NLGN2: variants seen among roughly 807,000 people sequenced by gnomAD.
NLGN2 encodes neuroligin-2.
A neutral mutation model predicts 48.6 loss-of-function variants in NLGN2; 11 were observed. That is an observed-to-expected ratio of 0.23 (90% CI 0.14 to 0.37). The LOEUF is 0.37. NLGN2 is among the 10% of genes least tolerant of loss of function. The pLI, the probability that NLGN2 is intolerant of heterozygous loss-of-function variation, is 1.00. For missense variants in NLGN2, 801 were observed against 1,225.2 expected (o/e 0.65, Z 5.17); for synonymous variants, 548 against 550.0 (o/e 1.00, Z 0.05).
chr17:7,412,582 T>C (rs1049491004), intron 2 of NLGN2, among the ~76,000 whole-genome samples: 4 of 152,120 alleles, frequency 2.6e-5, no homozygotes, highest in Non-Finnish European at 5.9e-5. Context: ...AAAAACCAAT[T>C]TGAAATTGGA....
In NLGN2 at chr17:7,408,750, AC is replaced by A. The variant is rs1346865372; in HGVS notation, c.457+39del. The A allele has an allele frequency of 6.2e-7, 1 of 1,611,288 alleles. No individual in the cohort carries two copies. Among genetic ancestry groups the A allele is most frequent in the African/African-American group, 1.3e-5 (1 of 74,812 alleles). ...GCACAAAGCCGGGCACCCCGTGGAC[AC>A]AGCCCACAAACGCACATGCAGACCC... On this transcript the variant is annotated intron_variant, in intron 1 of 6. Transcript: ENST00000302926. The surrounding 1 kb of genome is among the most constrained non-coding windows in gnomAD (Gnocchi z 7.5).
rs1907313098 is a variant in NLGN2, at chr17:7,419,775, C to G, written c.*1976C>G. The G allele has an allele frequency of 2.0e-5, 3 of 152,316 alleles. No individual in the cohort carries two copies. The highest frequency in any genetic ancestry group is 7.2e-5 in the African/African-American group (3 of 41,452). The allele number at this position is 152,316 out of a possible 1,614,324, so 9.4% of individuals were successfully genotyped here. ...AAACAATCCCGACAATCCCTTATCC[C>G]TACCCCAACCCTTTGCGGCTCTGTA... On this transcript the variant is annotated 3_prime_UTR_variant, in exon 7 of 7. Coordinates refer to ENST00000302926, the MANE Select transcript of NLGN2 (RefSeq NM_020795.4).
chr17:7,415,470 G>T (rs1222774604), intron 5 of NLGN2, 41 bp from the exon 6 acceptor site: 2 of 1,567,084 alleles, frequency 1.3e-6, no homozygotes, highest in Admixed American at 3.3e-5. Flanking sequence ...CCAAGAGGAG[G>T]CCAGTGAGCA....
chr17:7,414,190 G>C (rs1409110649), intron 2 of NLGN2, among the ~76,000 whole-genome samples, 154 bp from the exon 3 acceptor site: 1 of 152,056 alleles, frequency 6.6e-6, no homozygotes, highest in African/African-American at 2.4e-5. Context: ...GGGAGGAGGG[G>C]AATCCGGTCT....
chr17:7,408,484 C>T lies in NLGN2; in HGVS notation c.229C>T (p.Pro77Ser). The T allele has an allele frequency of 6.6e-7, 1 of 1,512,916 alleles. No individual in the cohort carries two copies. Among genetic ancestry groups the T allele is most frequent in the Non-Finnish European group, 8.8e-7 (1 of 1,135,732 alleles). The allele number at this position is 1,512,916 out of a possible 1,614,324, so 93.7% of individuals were successfully genotyped here. A position where few individuals can be genotyped will look rare whatever the true frequency, so the allele number is the denominator to read the frequency against. ...GTTCTTGGGCGTGCCCTACGCCACGCCGCCCCTGGGCGCCCGCCGCTTCCA... is the reference window on the plus strand; with the variant it reads ...GTTCTTGGGCGTGCCCTACGCCACGTCGCCCCTGGGCGCCCGCCGCTTCCA... Reference protein sequence around the residue: ...VQFLGVPYATPPLGARRFQPP... With the variant: ...VQFLGVPYATSPLGARRFQPP... Residue 77 changes from proline to serine, a missense_variant, in exon 1 of 7, where the codon CCG becomes TCG. Physicochemically the swap from Pro to Ser is moderately conservative, Grantham distance 74 (BLOSUM62 -1). This residue lies in a region of NLGN2 where 164 missense variants were observed against 186.2 expected (regional missense o/e 0.88). Coordinates refer to ENST00000302926, the MANE Select transcript of NLGN2 (RefSeq NM_020795.4). The surrounding 1 kb of genome is among the most constrained non-coding windows in gnomAD (Gnocchi z 7.5).
rs1906964835 is a variant in NLGN2 at position 7,413,097 on chromosome 17, G to A, written c.508+890G>A. ...AAGGAGATTCCGGCCTGAAAGTGCT[G>A]GGAGGTCACTTGAGGTTCAGGAGCA... On this transcript the variant is annotated intron_variant, in intron 2 of 6. Coordinates refer to ENST00000302926, the MANE Select transcript of NLGN2 (RefSeq NM_020795.4). The surrounding 1 kb of genome is among the most constrained non-coding windows in gnomAD (Gnocchi z 4.9). Among the ~76,000 whole-genome samples, 1 of 152,188 alleles carries A rather than the reference G, an allele frequency of 6.6e-6. No individual in the cohort carries two copies.
rs1394670302 is a variant in NLGN2 at position 7,414,501 on chromosome 17, T to C, written c.658+8T>C. The C allele has an allele frequency of 1.2e-6, 2 of 1,611,718 alleles. No homozygotes were observed. The highest frequency in any genetic ancestry group is 1.7e-6 in the Non-Finnish European group (2 of 1,178,220). On this transcript the variant is annotated splice_region_variant and intron_variant, in intron 3 of 6. Transcript: ENST00000302926. ...ACCGTCTTGGGGTGCTCGGTGAGGG[T>C]GGGCAGCCAACTCTGGGGCTCGGGG...
chr17:7,417,122 C>G lies in NLGN2; in HGVS notation c.1831C>G (p.Leu611Val). The G allele has an allele frequency of 6.2e-7, 1 of 1,612,002 alleles. No homozygotes were observed. The part of the protein sequence containing the change: ...WLELVPHLHN[L>V]HTELFTTTTR... ...GGAGCTCGTGCCCCACCTGCACAAC[C>G]TGCACACGGAGCTCTTCACCACCAC... Residue 611 changes from leucine (L) to valine (V), a missense_variant, in exon 7 of 7, where the codon CTG (leucine) becomes GTG (valine). Physicochemically the swap from Leu to Val is conservative, Grantham distance 32. Transcript: ENST00000302926.
rs776276408 is a variant in NLGN2, at chr17:7,417,402, G to A, written c.2111G>A (p.Arg704Gln). 8.7e-6 allele frequency: 14 copies of A among 1,609,584 alleles called. No homozygotes were observed. The highest frequency in any genetic ancestry group is 4.5e-5 in the East Asian group (2 of 44,712). ...FAALYYKRDR[R>Q]QELRCRRLSP... is the part of the protein sequence containing the mutation. The stretch of plus-strand genomic sequence containing the variant: ...GCCCTCTACTACAAGCGGGACCGGC[G>A]GCAGGAGCTGCGGTGCAGGCGGCTT... The change falls in exon 7 of 7, where the codon CGG becomes CAG. Residue 704 changes from arginine (R) to glutamine (Q), a missense_variant. This residue lies in a region of NLGN2 where 276 missense variants were observed against 313.9 expected (regional missense o/e 0.88). Transcript: ENST00000302926.
In NLGN2 at chr17:7,417,767, C is replaced by A; in HGVS notation, c.2476C>A (p.Leu826Ile). 1 of 1,364,326 alleles carries A rather than the reference C, an allele frequency of 7.3e-7. No homozygotes were observed. 84.5% of individuals were successfully genotyped at this position (1,364,326 alleles called of 1,614,324 possible). Residue 826 changes from leucine (L) to isoleucine (I), a missense_variant, in exon 7 of 7, where the codon CTA (leucine) becomes ATA (isoleucine). Transcript: ENST00000302926. ...PPTATSHNNTLPHPHSTTRV is the reference protein window; with the variant it reads ...PPTATSHNNTIPHPHSTTRV ...CACCGCCACCAGCCACAACAACACG[C>A]TACCCCACCCCCACTCCACCACTCG... is the stretch of plus-strand genomic sequence containing the variant.
In NLGN2 at chr17:7,408,419, G is replaced by T. The variant is rs377690737; in HGVS notation, c.164G>T (p.Arg55Leu). The change falls in exon 1 of 7, where the codon CGG becomes CTG. Residue 55 changes from arginine (R) to leucine (L), a missense_variant. This residue lies in a region of NLGN2 where 164 missense variants were observed against 186.2 expected (regional missense o/e 0.88). Transcript: ENST00000302926. The surrounding 1 kb of genome is among the most constrained non-coding windows in gnomAD (Gnocchi z 7.5). ...GCCTACGGGCGAGTGCGCGGTGTGCGGCGCGAGCTCAACAACGAGATCCTG... is the reference window on the plus strand; with the variant it reads ...GCCTACGGGCGAGTGCGCGGTGTGCTGCGCGAGCTCAACAACGAGATCCTG... Reference protein sequence around the residue: ...NTAYGRVRGVRRELNNEILGP... With the variant: ...NTAYGRVRGVLRELNNEILGP... 25 of 1,567,538 alleles carry T rather than the reference G, an allele frequency of 1.6e-5. No individual in the cohort carries two copies. In the South Asian group the frequency reaches 2.2e-4, roughly 14 times the overall value.
Position 7,411,219 on chromosome 17 carries a change from C to T in NLGN2, c.458-938C>T, listed in dbSNP as rs557095815. Among the ~76,000 whole-genome samples, 10 of 152,280 alleles carry T rather than the reference C, an allele frequency of 6.6e-5. No individual in the cohort carries two copies. Among genetic ancestry groups the T allele is most frequent in the Admixed American group, 2.6e-4 (4 of 15,298 alleles). On this transcript the variant is annotated intron_variant, in intron 1 of 6. Transcript: ENST00000302926. This position sits in a 1 kb window ranked among gnomAD's most constrained non-coding sequence, Gnocchi z 4.5. Reference sequence around the variant, plus strand: ...CTATCTGTGGACTGAACCACCCGCTCGGCCGTTGGGGAAGGGGTGCTTTTT... The same window carrying T: ...CTATCTGTGGACTGAACCACCCGCTTGGCCGTTGGGGAAGGGGTGCTTTTT...
At position 7,417,696 on chromosome 17, in the gene NLGN2, C is replaced by A. The variant is rs1369709365; in HGVS notation, c.2405C>A (p.Pro802Gln). 2 of 1,325,766 alleles carry A rather than the reference C, an allele frequency of 1.5e-6. No individual in the cohort carries two copies. Among genetic ancestry groups the A allele is most frequent in the African/African-American group, 1.6e-5 (1 of 63,076 alleles). The allele number at this position is 1,325,766 out of a possible 1,614,324, so 82.1% of individuals were successfully genotyped here. A position where few individuals can be genotyped will look rare whatever the true frequency, so the allele number is the denominator to read the frequency against. Reference protein sequence around the residue: ...PSGLGPPPPPPPPSLHPFGPF... With the variant: ...PSGLGPPPPPQPPSLHPFGPF... ...GGCCTGGGGCCACCGCCACCCCCAC[C>A]GCCCCCCTCCCTTCATCCCTTCGGG... Residue 802 changes from proline (P) to glutamine (Q), a missense_variant, in exon 7 of 7, where the codon CCG becomes CAG. By Grantham distance (76) the Pro-to-Gln change is moderately conservative. Transcript: ENST00000302926.
chr17:7,409,452 C>T, intron 1 of NLGN2, among the ~76,000 whole-genome samples: 1 of 152,090 alleles, frequency 6.6e-6, no homozygotes, highest in Non-Finnish European at 1.5e-5. Flanking sequence ...GTTCTCCACC[C>T]TCCATCCTCA....
chr17:7,406,333 A>G (rs961773213), upstream of NLGN2, among the ~76,000 whole-genome samples: 9 of 149,696 alleles, frequency 6.0e-5, no homozygotes, highest in Non-Finnish European at 8.9e-5. Context: ...GGCCCAGAGT[A>G]CCCTCAAGAG....
chr17:7,417,724 C>T lies in NLGN2; in HGVS notation c.2433C>T (p.Pro811=). Reference sequence around the variant, plus strand: ...CCCCCTCCCTTCATCCCTTCGGGCCCTTCCCCCCGCCCCCTCCCACCGCCA... The same window carrying T: ...CCCCCTCCCTTCATCCCTTCGGGCCTTTCCCCCCGCCCCCTCCCACCGCCA... ...PPPPSLHPFG[P]FPPPPPTATS... The change falls in exon 7 of 7, where the codon CCC becomes CCT. Residue 811 remains proline, a synonymous_variant. Transcript: ENST00000302926. The T allele has an allele frequency of 2.0e-6, 2 of 997,352 alleles. No homozygotes were observed. Among genetic ancestry groups the T allele is most frequent in the African/African-American group, 1.9e-5 (1 of 52,738 alleles). The allele number at this position is 997,352 out of a possible 1,614,324, so 61.8% of individuals were successfully genotyped here.
chr17:7,417,548 G>A lies in NLGN2; in HGVS notation c.2257G>A (p.Val753Ile), dbSNP rs751078536. Residue 753 changes from valine to isoleucine, a missense_variant, in exon 7 of 7, where the codon GTC becomes ATC. Around this residue, in one of 5 missense-constraint regions of NLGN2, gnomAD observed 276 missense variants for 313.9 expected, o/e 0.88. Coordinates refer to ENST00000302926, the MANE Select transcript of NLGN2 (RefSeq NM_020795.4). ...ACTGCAGCTGAAGCGGGGTGGTGGC[G>A]TCGGGGCGGACCCTGCCGAGGCTCT... is the stretch of plus-strand genomic sequence containing the variant. ...VSLQLKRGGGVGADPAEALRP... is the reference protein window; with the variant it reads ...VSLQLKRGGGIGADPAEALRP... 74 of 1,468,052 alleles carry A rather than the reference G, an allele frequency of 5.0e-5. No homozygotes were observed. The highest frequency in any genetic ancestry group is 2.0e-4 in the Middle Eastern group (1 of 4,940). 90.9% of individuals were successfully genotyped at this position (1,468,052 alleles called of 1,614,324 possible). A position where few individuals can be genotyped will look rare whatever the true frequency, so the allele number is the denominator to read the frequency against.
In NLGN2 at chr17:7,408,188, C is replaced by CT; in HGVS notation, c.-67dup. 1.1e-6 allele frequency: 1 copy of CT among 884,710 alleles called. No homozygotes were observed. Among genetic ancestry groups the CT allele is most frequent in the East Asian group, 3.4e-5 (1 of 29,264 alleles). The allele number at this position is 884,710 out of a possible 1,614,324, so 54.8% of individuals were successfully genotyped here. A position where few individuals can be genotyped will look rare whatever the true frequency, so the allele number is the denominator to read the frequency against. ...TGGGGCGAGGGGGGCCTCCCTCCCTCTCCCCCCCTTCTCTCTCTCTCCGAG... is the reference window on the plus strand; with the variant it reads ...TGGGGCGAGGGGGGCCTCCCTCCCTCTTCCCCCCCTTCTCTCTCTCTCCGAG... On this transcript the variant is annotated 5_prime_UTR_variant, in exon 1 of 7. Transcript: ENST00000302926. The surrounding 1 kb of genome is among the most constrained non-coding windows in gnomAD (Gnocchi z 7.5).
At chr17:7,407,192 C>G (rs906121374), upstream of NLGN2, among the ~76,000 whole-genome samples, 1 of 152,208 alleles carries the variant, frequency 6.6e-6, no homozygotes, top group Non-Finnish European at 1.5e-5. Context: ...TCCTCCAGAA[C>G]CCCCCTCCAG....
Sources: gnomAD v4.1 joint callset for allele counts (sites outside exome capture counted in the v4.1 genomes callset) on GRCh38, gnomAD v4.1.1 for gene constraint, gnomAD v4.1.1 regional missense constraint, Gnocchi (gnomAD v3.1) non-coding constraint, MANE v1.5 for transcripts, NCBI Gene and HGNC (gene_info 2026-07-23, HGNC 2026-07-21) for gene names.